PGGT1B: variants seen among roughly 807,000 people sequenced by gnomAD.
The protein encoded by PGGT1B is geranylgeranyl transferase type-1 subunit beta.
Under a neutral mutation model 46.1 loss-of-function variants are expected in PGGT1B, and 30 were observed. The ratio of observed to expected loss-of-function variants is 0.65; its 90% CI spans 0.49 to 0.88. PGGT1B has a LOEUF of 0.88. Among genes scored for constraint, PGGT1B ranks in the 40% least tolerant of loss-of-function variants. PGGT1B has a pLI of 0.00. For missense variants in PGGT1B, 376 were observed against 455.9 expected, an observed-to-expected ratio of 0.82 and a Z score of 1.60; for synonymous variants, 170 against 160.0, an observed-to-expected ratio of 1.06 and a Z score of -0.47.
In PGGT1B at chr5:115,208,593, G is replaced by C. The variant is rs1295822420; in HGVS notation, c.*3809C>G. The C allele has an allele frequency of 1.3e-5, 2 of 151,770 alleles. No individual in the cohort carries two copies. Among genetic ancestry groups the C allele is most frequent in the East Asian group, 3.9e-4 (2 of 5,192 alleles). 9.4% of individuals were successfully genotyped at this position (151,770 alleles called of 1,614,324 possible). Reference sequence around the variant, plus strand: ...CCTTGTCATTTAAATTTTTGTATTTGTGCTTCCTCCTTTTTTTCTTAAATA... The same window carrying C: ...CCTTGTCATTTAAATTTTTGTATTTCTGCTTCCTCCTTTTTTTCTTAAATA... On this transcript the variant is annotated 3_prime_UTR_variant, in exon 9 of 9. Coordinates refer to ENST00000419445, the MANE Select transcript of PGGT1B (RefSeq NM_005023.4).
At chr5:115,212,634 T>C in intron 8 of PGGT1B, 51 bp from the exon 9 acceptor site, 8 of 1,266,400 alleles carry the variant, frequency 6.3e-6, no homozygotes, top group Non-Finnish European at 8.8e-6. Flanking sequence ...ACTTGTACAT[T>C]CTACAGAATA....
chr5:115,252,114 A>G (rs1225354304), intron 2 of PGGT1B, among the ~76,000 whole-genome samples: 1 of 152,074 alleles, frequency 6.6e-6, no homozygotes, highest in Non-Finnish European at 1.5e-5. Context: ...CTACTCATCA[A>G]CATGTTAGAT....
intron 7 of PGGT1B, among the ~76,000 whole-genome samples, chr5:115,220,059 A>T (rs1756540810): frequency 6.6e-6 from 1 of 151,804 alleles, no homozygotes; most frequent in South Asian, 2.1e-4. Flanking sequence ...TTAAATGAAG[A>T]ACTACCATAT....
At chr5:115,222,603 G>C (rs1326774543) in intron 6 of PGGT1B, among the ~76,000 whole-genome samples, 1 of 152,168 alleles carries the variant, frequency 6.6e-6, no homozygotes, top group African/African-American at 2.4e-5. Flanking sequence ...AATACCATTT[G>C]ACCCAGCGAT....
intron 6 of PGGT1B, among the ~76,000 whole-genome samples, chr5:115,227,804 T>C (rs1310093001): frequency 1.3e-5 from 2 of 152,220 alleles, no homozygotes; most frequent in African/African-American, 4.8e-5. Flanking sequence ...AAAATGTCTA[T>C]TCTCAGAGAG....
At chr5:115,236,060 C>T (rs1020907882) in intron 5 of PGGT1B, among the ~76,000 whole-genome samples, 4 of 152,086 alleles carry the variant, frequency 2.6e-5, no homozygotes, top group African/African-American at 9.7e-5. Context: ...TTCCAGTTTG[C>T]GTGTCAGGAC....
At chr5:115,235,059 A>G (rs1757134350) in intron 5 of PGGT1B, among the ~76,000 whole-genome samples, 2 of 152,006 alleles carry the variant, frequency 1.3e-5, no homozygotes, top group African/African-American at 2.4e-5. Flanking sequence ...AGAGCTGAGG[A>G]TGGAAAAGTA....
chr5:115,236,481 A>T lies in PGGT1B; in HGVS notation c.521T>A (p.Phe174Tyr). The part of the protein sequence containing the change: ...VPEGSENDMR[F>Y]VYCASCICYM... ...GCAAATACAGGAAGCACAGTACACAAATCGCATGTCATTTTCACTGCCTTC... is the reference window on the plus strand; with the variant it reads ...GCAAATACAGGAAGCACAGTACACATATCGCATGTCATTTTCACTGCCTTC... Residue 174 changes from phenylalanine to tyrosine, a missense_variant, in exon 5 of 9, where the codon TTT (phenylalanine) becomes TAT (tyrosine). Phe to Tyr is a conservative substitution (Grantham distance 22). Coordinates refer to ENST00000419445, the MANE Select transcript of PGGT1B (RefSeq NM_005023.4). 1 of 1,568,666 alleles carries T rather than the reference A, an allele frequency of 6.4e-7. No homozygotes were observed. Among genetic ancestry groups the T allele is most frequent in the Non-Finnish European group, 8.6e-7 (1 of 1,162,046 alleles).
At chr5:115,227,502 G>A (rs757252289) in intron 6 of PGGT1B, among the ~76,000 whole-genome samples, 2 of 152,082 alleles carry the variant, frequency 1.3e-5, no homozygotes, top group African/African-American at 2.4e-5. Context: ...CCCTGGTTAC[G>A]TCAGGCCCAC....
At chr5:115,245,149 T>C (rs1252889670) in intron 2 of PGGT1B, among the ~76,000 whole-genome samples, 5 of 152,214 alleles carry the variant, frequency 3.3e-5, no homozygotes, top group Non-Finnish European at 5.9e-5. Flanking sequence ...TACTTGCAAC[T>C]GGACACCTTT....
At chr5:115,221,427 T>C (rs265427) in intron 7 of PGGT1B, among the ~76,000 whole-genome samples, 17,109 of 151,998 alleles carry the variant, frequency 0.11, 1,073 homozygotes, top group Middle Eastern at 0.18. Flanking sequence ...TGACCCATGG[T>C]TTGTCTTTTA....
intron 8 of PGGT1B, among the ~76,000 whole-genome samples, chr5:115,214,864 T>C (rs1241480629): frequency 6.6e-6 from 1 of 152,234 alleles, no homozygotes; most frequent in Non-Finnish European, 1.5e-5. Context: ...AAGACCAAAA[T>C]AATTCTCAGT....
rs1016896668 is a variant in PGGT1B, at chr5:115,262,831, C to T, written c.21G>A (p.Glu7=). The change falls in exon 1 of 9, where the codon GAG becomes GAA. Residue 7 remains glutamate (E), a synonymous_variant. Coordinates refer to ENST00000419445, the MANE Select transcript of PGGT1B (RefSeq NM_005023.4). ...CTCCCTCACCGCTCCCTGCTAGCCT[C>T]TCATCCTCAGTGGCCGCCATGCTGC... MAATED[E]RLAGSGEGER... The T allele has an allele frequency of 6.2e-7, 1 of 1,612,496 alleles. No individual in the cohort carries two copies. The highest frequency in any genetic ancestry group is 8.5e-7 in the Non-Finnish European group (1 of 1,179,968).
In PGGT1B at chr5:115,206,455, A is replaced by G. The variant is rs970152693; in HGVS notation, c.*5947T>C. 1.3e-5 allele frequency: 2 copies of G among 152,042 alleles called. No individual in the cohort carries two copies. Among genetic ancestry groups the G allele is most frequent in the Non-Finnish European group, 2.9e-5 (2 of 67,906 alleles). The allele number at this position is 152,042 out of a possible 1,614,324, so 9.4% of individuals were successfully genotyped here. On this transcript the variant is annotated 3_prime_UTR_variant, in exon 9 of 9. Coordinates refer to ENST00000419445, the MANE Select transcript of PGGT1B (RefSeq NM_005023.4). ...CAGTAATCTCAATAGCACTTACTTAAAAGTTCATTTTCTCACTAACTTGAG... is the reference window on the plus strand; with the variant it reads ...CAGTAATCTCAATAGCACTTACTTAGAAGTTCATTTTCTCACTAACTTGAG...
chr5:115,246,218 T>C lies in PGGT1B; in HGVS notation c.260-4612A>G, dbSNP rs563566008. On this transcript the variant is annotated intron_variant, in intron 2 of 8. Coordinates refer to ENST00000419445, the MANE Select transcript of PGGT1B (RefSeq NM_005023.4). Reference sequence around the variant, plus strand: ...TAAAAGTACTAAAATTAGCCGGGTGTGGTGGAGCACACCTTTAGTCCCAGC... The same window carrying C: ...TAAAAGTACTAAAATTAGCCGGGTGCGGTGGAGCACACCTTTAGTCCCAGC... Among the ~76,000 whole-genome samples the C allele has an allele frequency of 1.1e-3, 166 of 152,142 alleles. 1 individual carries two copies. Among genetic ancestry groups the C allele is most frequent in the African/African-American group, 4.0e-3 (164 of 41,508 alleles).
At chr5:115,215,060 G>A (rs1180779173) in intron 8 of PGGT1B, among the ~76,000 whole-genome samples, 1 of 152,192 alleles carries the variant, frequency 6.6e-6, no homozygotes, top group Non-Finnish European at 1.5e-5. Flanking sequence ...GTGCAATGGT[G>A]AGATCTTGGC....
chr5:115,223,784 G>A (rs565464441), intron 6 of PGGT1B, among the ~76,000 whole-genome samples: 1 of 152,238 alleles, frequency 6.6e-6, no homozygotes, highest in South Asian at 2.1e-4. Flanking sequence ...TTCCATATAA[G>A]AAAACAAACA....
At chr5:115,262,594 T>C in intron 1 of PGGT1B, 118 bp downstream of exon 1, 2 of 1,172,168 alleles carry the variant, frequency 1.7e-6, no homozygotes, top group Non-Finnish European at 1.2e-6. Flanking sequence ...AACCAGTCAG[T>C]GCCAACTGGG....
intron 1 of PGGT1B, 35 bp from the exon 2 acceptor site, chr5:115,253,290 A>G: frequency 2.0e-6 from 3 of 1,526,728 alleles, no homozygotes; most frequent in Non-Finnish European, 2.7e-6. Flanking sequence ...CATCTTAACT[A>G]TCATACCACT....
Sources: gnomAD v4.1 joint callset for allele counts (sites outside exome capture counted in the v4.1 genomes callset) on GRCh38, gnomAD v4.1.1 for gene constraint, MANE v1.5 for transcripts, NCBI Gene and HGNC (gene_info 2026-07-23, HGNC 2026-07-21) for gene names.